Variants in RORB observed in about 807,000 individuals in gnomAD.
The protein encoded by RORB is nuclear receptor ROR-beta.
A neutral mutation model predicts 59.1 loss-of-function variants in RORB; 6 were observed. That is an observed-to-expected ratio of 0.10 (90% CI 0.06 to 0.20). The LOEUF is 0.20. RORB is among the 10% of genes least tolerant of loss of function. The pLI is 1.00. For missense variants in RORB, 320 were observed against 560.5 expected (o/e 0.57, Z 4.33); for synonymous variants, 215 against 204.5 (o/e 1.05, Z -0.44).
intron 1 of RORB, among the ~76,000 whole-genome samples, chr9:74,564,687 C>T (rs1001216221): frequency 1.3e-5 from 2 of 152,188 alleles, no homozygotes; most frequent in African/African-American, 2.4e-5. Flanking sequence ...TTAATGTAAA[C>T]GTGGTTTTTA....
chr9:74,509,754 A>G (rs1446102815), intron 1 of RORB, among the ~76,000 whole-genome samples: 4 of 152,076 alleles, frequency 2.6e-5, no homozygotes. Flanking sequence ...TCAAAGGCCT[A>G]TTATCATCCT....
intron 1 of RORB, among the ~76,000 whole-genome samples, chr9:74,500,310 C>G (rs555731819): frequency 2.1e-4 from 32 of 152,226 alleles, no homozygotes; most frequent in African/African-American, 7.5e-4. Context: ...ATATTTTCCC[C>G]GGACAGTGCC....
intron 1 of RORB, among the ~76,000 whole-genome samples, chr9:74,504,235 A>G (rs1825839012): frequency 6.6e-6 from 1 of 152,096 alleles, no homozygotes; most frequent in Admixed American, 6.5e-5. Flanking sequence ...CATAATAAGC[A>G]TTTAAAACAT....
chr9:74,642,344 C>T (rs1460650204), intron 3 of RORB, 70 bp from the exon 4 acceptor site: 14 of 1,447,726 alleles, frequency 9.7e-6, no homozygotes, highest in East Asian at 2.3e-5. Flanking sequence ...TCCCATGACC[C>T]GTTGTACCTG....
intron 1 of RORB, among the ~76,000 whole-genome samples, chr9:74,539,979 G>A (rs1826379962): frequency 6.6e-6 from 1 of 151,830 alleles, no homozygotes; most frequent in Non-Finnish European, 1.5e-5. Flanking sequence ...ATTTAAAAGG[G>A]AAAAGGAAAG....
At chr9:74,593,663 C>A (rs967985286) in intron 1 of RORB, among the ~76,000 whole-genome samples, 4 of 152,046 alleles carry the variant, frequency 2.6e-5, no homozygotes, top group African/African-American at 9.7e-5. Context: ...TTTCCAAGTC[C>A]TCCATAAGAA....
intron 6 of RORB, among the ~76,000 whole-genome samples, chr9:74,663,482 A>G (rs1205436728): frequency 6.6e-6 from 1 of 152,228 alleles, no homozygotes; most frequent in African/African-American, 2.4e-5. Flanking sequence ...CTGTTATTCT[A>G]AGATCCCTTC....
intron 4 of RORB, among the ~76,000 whole-genome samples, chr9:74,649,020 G>T (rs11144034): frequency 0.24 from 36,343 of 150,836 alleles, 4,527 homozygotes; most frequent in African/African-American, 0.28. Flanking sequence ...CTGGAGTGCA[G>T]TGGTGCGATC....
rs972327378 is a variant in RORB, at chr9:74,608,424, C to T, written c.8-21858C>T. 4.6e-5 allele frequency among the ~76,000 whole-genome samples: 7 copies of T among 151,986 alleles called. No homozygotes were observed. The South Asian group carries it at 1.0e-3, about 23-fold the overall frequency. ...ACTAAAAAGAAAAAAATAAGCCGGG[C>T]GTGGTGGCGGGCACCTGTAGTCCCA... On this transcript the variant is annotated intron_variant, in intron 1 of 9. Coordinates refer to ENST00000376896, the MANE Select transcript of RORB (RefSeq NM_006914.4).
chr9:74,586,076 G>A (rs562095376), intron 1 of RORB, among the ~76,000 whole-genome samples: 34 of 152,216 alleles, frequency 2.2e-4, no homozygotes, highest in Non-Finnish European at 4.3e-4. Flanking sequence ...TTACAGGCAT[G>A]AGCCACTGCG....
intron 4 of RORB, among the ~76,000 whole-genome samples, chr9:74,652,957 G>A (rs957452567): frequency 3.3e-5 from 5 of 152,146 alleles, no homozygotes; most frequent in African/African-American, 1.2e-4. Context: ...GTTTTATTCT[G>A]ACAGCAGAAT....
chr9:74,666,536 A>G (rs2118528762), intron 7 of RORB, among the ~76,000 whole-genome samples: 1 of 151,938 alleles, frequency 6.6e-6, no homozygotes, highest in Non-Finnish European at 1.5e-5. Context: ...TGAATTATAG[A>G]TCATTCTTTG....
intron 1 of RORB, among the ~76,000 whole-genome samples, chr9:74,581,630 C>G (rs1328586564): frequency 6.6e-6 from 1 of 152,154 alleles, no homozygotes; most frequent in Non-Finnish European, 1.5e-5. Context: ...AAATGTGAGC[C>G]TAAATCTTCC....
intron 1 of RORB, among the ~76,000 whole-genome samples, chr9:74,616,040 T>TTA (rs1563953697): frequency 6.6e-6 from 1 of 152,196 alleles, no homozygotes; most frequent in African/African-American, 2.4e-5. Context: ...TCTATTTGAT[T>TTA]TATATATATG....
chr9:74,638,349 TC>T (rs748140772), intron 3 of RORB, among the ~76,000 whole-genome samples: 30 of 152,240 alleles, frequency 2.0e-4, no homozygotes, highest in Non-Finnish European at 4.0e-4. Flanking sequence ...TAAAATGATT[TC>T]CGATACTTTC....
intron 2 of RORB, among the ~76,000 whole-genome samples, chr9:74,630,777 G>A (rs1823604067): frequency 6.6e-6 from 1 of 150,688 alleles, no homozygotes; most frequent in Non-Finnish European, 1.5e-5. Flanking sequence ...AGGAAGTCAA[G>A]GTAACAGCTA....
intron 1 of RORB, among the ~76,000 whole-genome samples, chr9:74,587,341 ATTGGATGGTTT>A (rs1822817797): frequency 6.6e-6 from 1 of 152,328 alleles, no homozygotes; most frequent in African/African-American, 2.4e-5. Context: ...GATAAGAGGC[ATTGGATGGTTT>A]TTATTTTGGG....
At chr9:74,587,155 T>G (rs1413933665) in intron 1 of RORB, among the ~76,000 whole-genome samples, 1 of 152,226 alleles carries the variant, frequency 6.6e-6, no homozygotes, top group East Asian at 1.9e-4. Context: ...TCCAGCCTAG[T>G]CAATCCACGG....
At chr9:74,506,041 G>A (rs1041513562) in intron 1 of RORB, among the ~76,000 whole-genome samples, 10 of 150,164 alleles carry the variant, frequency 6.7e-5, no homozygotes. Flanking sequence ...ATATACATTT[G>A]TTTTTATAAG....
Sources: gnomAD v4.1 joint callset for allele counts (sites outside exome capture counted in the v4.1 genomes callset) on GRCh38, gnomAD v4.1.1 for gene constraint, MANE v1.5 for transcripts, NCBI Gene and HGNC (gene_info 2026-07-23, HGNC 2026-07-21) for gene names.